Variants in LRBA observed in about 807,000 individuals in gnomAD.
LRBA encodes lipopolysaccharide-responsive and beige-like anchor protein.
In LRBA, 176 loss-of-function variants were observed where a neutral mutation model predicts 330.0. The observed-to-expected ratio is 0.53, with a 90% CI of 0.47 to 0.60. The LOEUF (loss-of-function observed/expected upper bound fraction) is 0.60, where lower values mean the gene tolerates loss of function less well. LRBA is among the 20% of genes least tolerant of loss of function. LRBA has a pLI of 0.00. For synonymous variants in LRBA, 1,230 were observed against 1,193.0 expected (o/e 1.03, Z -0.64); for missense variants, 3,259 against 3,444.8 (o/e 0.95, Z 1.35).
At chr4:150,303,681 C>T (rs556225834) in intron 52 of LRBA, among the ~76,000 whole-genome samples, 12 of 152,296 alleles carry the variant, frequency 7.9e-5, no homozygotes, top group African/African-American at 2.4e-4. Context: ...ACGCCATTCT[C>T]CTGCTCAGCC....
At chr4:150,893,249 A>G (rs1276951120) in intron 16 of LRBA, 100 bp from the exon 17 acceptor site, 2 of 652,120 alleles carry the variant, frequency 3.1e-6, no homozygotes, top group African/African-American at 3.6e-5. Flanking sequence ...TAGAAATATA[A>G]GTAGACATAT....
chr4:150,731,076 C>G (rs1212189394), intron 36 of LRBA, among the ~76,000 whole-genome samples: 1 of 152,076 alleles, frequency 6.6e-6, no homozygotes, highest in Non-Finnish European at 1.5e-5. Context: ...AAATGCAAAT[C>G]AAAAGTACCA....
In LRBA at chr4:150,432,524, C is replaced by G. The variant is rs1401508885; in HGVS notation, c.7041+3065G>C. Among the ~76,000 whole-genome samples, 4 of 124,546 alleles carry G rather than the reference C, an allele frequency of 3.2e-5. No homozygotes were observed. In the Admixed American group the frequency reaches 4.2e-4, roughly 13 times the overall value. 81.7% of individuals were successfully genotyped at this position (124,546 alleles called of 152,430 possible). On this transcript the variant is annotated intron_variant, in intron 46 of 56. Coordinates refer to ENST00000651943, the MANE Select transcript of LRBA (RefSeq NM_001364905.1). ...CCAGGCTGGAGTGCAGTGGCGCTAT[C>G]TCGGCTCACTGCAAGCTCCGCCTCC...
intron 40 of LRBA, among the ~76,000 whole-genome samples, chr4:150,494,570 A>C (rs1489146569): frequency 6.6e-6 from 1 of 152,220 alleles, no homozygotes. Context: ...CATGTACTGA[A>C]ATAGTTTTCT....
intron 16 of LRBA, among the ~76,000 whole-genome samples, chr4:150,893,780 A>G (rs1301657838): frequency 6.6e-6 from 1 of 151,938 alleles, no homozygotes; most frequent in African/African-American, 2.4e-5. Flanking sequence ...GGTTCATGCC[A>G]TTCTCCTGCC....
chr4:150,478,481 C>A (rs72734478), intron 42 of LRBA, among the ~76,000 whole-genome samples: 1 of 152,036 alleles, frequency 6.6e-6, no homozygotes, highest in Non-Finnish European at 1.5e-5. Context: ...TGTCATCACC[C>A]CCCAAATCTC....
At chr4:150,963,866 G>A (rs1738523034) in intron 2 of LRBA, among the ~76,000 whole-genome samples, 1 of 147,668 alleles carries the variant, frequency 6.8e-6, no homozygotes, top group Admixed American at 6.6e-5. Context: ...GAGCGTCTCT[G>A]CCTGGCCGCC....
At chr4:150,752,808 A>G (rs1414698380) in intron 35 of LRBA, among the ~76,000 whole-genome samples, 1 of 152,206 alleles carries the variant, frequency 6.6e-6, no homozygotes, top group Non-Finnish European at 1.5e-5. Context: ...CTAGAATGGA[A>G]GCAAAAAGAC....
rs1736924225 is a variant in LRBA at position 150,350,032 on chromosome 4, G to A, written c.7322C>T (p.Ala2441Val). Residue 2441 changes from alanine (A) to valine (V), a missense_variant, in exon 48 of 57, where the codon GCT becomes GTT. Physicochemically the swap from Ala to Val is moderately conservative, Grantham distance 64. Transcript: ENST00000651943. ...NVFYYLTYEG[A>V]VNLNSITDPV... ...ATCAGTTATTGAATTCAGATTGACA[G>A]CTCCTTCATAGGTCAAGTAATAGAA... The A allele has an allele frequency of 1.2e-6, 2 of 1,613,694 alleles. No homozygotes were observed. The highest frequency in any genetic ancestry group is 1.7e-6 in the Non-Finnish European group (2 of 1,179,768).
chr4:150,945,805 CT>C (rs758057990), intron 2 of LRBA, among the ~76,000 whole-genome samples: 690 of 142,920 alleles, frequency 4.8e-3, no homozygotes, highest in African/African-American at 4.4e-3. Context: ...AGGCATATTT[CT>C]TTTTTTTTTT....
intron 17 of LRBA, among the ~76,000 whole-genome samples, chr4:150,886,911 C>A (rs1728998680): frequency 6.6e-6 from 1 of 152,076 alleles, no homozygotes. Context: ...GGACTTATCA[C>A]ACAAAGACTT....
chr4:150,747,981 C>T (rs1228751313), intron 35 of LRBA, among the ~76,000 whole-genome samples: 3 of 152,146 alleles, frequency 2.0e-5, no homozygotes, highest in Non-Finnish European at 4.4e-5. Context: ...TCTAACATTT[C>T]CAGAGCAGAA....
At chr4:150,384,623 G>A (rs1742784590) in intron 47 of LRBA, among the ~76,000 whole-genome samples, 1 of 152,132 alleles carries the variant, frequency 6.6e-6, no homozygotes, top group African/African-American at 2.4e-5. Context: ...ACGATGAGAA[G>A]GGCATTTTGT....
intron 52 of LRBA, among the ~76,000 whole-genome samples, chr4:150,307,588 A>T (rs549404721): frequency 6.6e-6 from 1 of 151,886 alleles, no homozygotes. Flanking sequence ...AGCAAAAAAA[A>T]CAAGAAATAG....
In LRBA at chr4:150,828,222, T is replaced by C; in HGVS notation, c.5129A>G (p.Asp1710Gly). 5 of 1,614,086 alleles carry C rather than the reference T, an allele frequency of 3.1e-6. No individual in the cohort carries two copies. Among genetic ancestry groups the C allele is most frequent in the Non-Finnish European group, 4.2e-6 (5 of 1,179,960 alleles). The change falls in exon 30 of 57, where the codon GAT (aspartate) becomes GGT (glycine). Residue 1710 changes from aspartate (D) to glycine (G), a missense_variant. Asp to Gly is a moderately conservative substitution (Grantham distance 94, BLOSUM62 -1). Coordinates refer to ENST00000651943, the MANE Select transcript of LRBA (RefSeq NM_001364905.1). Reference sequence around the variant, plus strand: ...CTGCACGGGTTGTTCCACAGATAGATCACCAAGGGCTCCAAGGCAGGCTGG... The same window carrying C: ...CTGCACGGGTTGTTCCACAGATAGACCACCAAGGGCTCCAAGGCAGGCTGG... ...LPPACLGALG[D>G]LSVEQPVQFR... is the part of the protein sequence containing the mutation.
intron 22 of LRBA, among the ~76,000 whole-genome samples, chr4:150,864,670 A>T (rs1752448401): frequency 7.5e-6 from 1 of 133,140 alleles, no homozygotes; most frequent in Non-Finnish European, 1.5e-5. Flanking sequence ...TTTTTGAGAC[A>T]GAGTCTCACT....
intron 37 of LRBA, among the ~76,000 whole-genome samples, chr4:150,661,135 C>T (rs1781042050): frequency 7.0e-6 from 1 of 143,608 alleles, no homozygotes; most frequent in African/African-American, 2.6e-5. Context: ...ATACCCTGAA[C>T]CTGATACAGT....
At chr4:150,999,769 T>C (rs1329700091) in intron 2 of LRBA, among the ~76,000 whole-genome samples, 1 of 151,816 alleles carries the variant, frequency 6.6e-6, no homozygotes, top group East Asian at 1.9e-4. Flanking sequence ...GCAAACTTAA[T>C]CCATACGTTC....
chr4:150,341,878 A>C lies in LRBA; in HGVS notation c.7362+8114T>G, dbSNP rs181820970. Among the ~76,000 whole-genome samples the C allele has an allele frequency of 4.8e-4, 73 of 151,852 alleles. 3 individuals are homozygous for C. The highest frequency in any genetic ancestry group is 4.2e-3 in the Admixed American group (64 of 15,250). ...TATATTGCAAATAGCATTTATATGA[A>C]AATTAATGGGTGAATTCTGGATAAG... On this transcript the variant is annotated intron_variant, in intron 48 of 56. Coordinates refer to ENST00000651943, the MANE Select transcript of LRBA (RefSeq NM_001364905.1).
Sources: gnomAD v4.1 joint callset for allele counts (sites outside exome capture counted in the v4.1 genomes callset) on GRCh38, gnomAD v4.1.1 for gene constraint, MANE v1.5 for transcripts, NCBI Gene and HGNC (gene_info 2026-07-23, HGNC 2026-07-21) for gene names.